Variants in CACNA2D2 observed in about 807,000 individuals in gnomAD.
The protein encoded by CACNA2D2 is voltage-dependent calcium channel subunit alpha-2/delta-2.
A neutral mutation model predicts 166.4 loss-of-function variants in CACNA2D2; 48 were observed. That is an observed-to-expected ratio of 0.29 (90% CI 0.23 to 0.37). CACNA2D2 has a LOEUF of 0.37. Ranked by LOEUF, CACNA2D2 falls within the 10% of genes least tolerant of loss-of-function variation. The pLI is 1.00. For synonymous variants in CACNA2D2, 561 were observed against 573.7 expected (o/e 0.98, Z 0.32); for missense variants, 1,122 against 1,433.0 (o/e 0.78, Z 3.50).
In CACNA2D2 at chr3:50,495,037, G is replaced by A. The variant is rs372736266; in HGVS notation, c.206+8181C>T. Among the ~76,000 whole-genome samples the A allele has an allele frequency of 4.6e-5, 7 of 152,322 alleles. No homozygotes were observed. The East Asian group carries it at 5.8e-4, about 13-fold the overall frequency. On this transcript the variant is annotated intron_variant, in intron 1 of 37. Coordinates refer to ENST00000424201, the MANE Select transcript of CACNA2D2 (RefSeq NM_006030.4). Reference sequence around the variant, plus strand: ...TGCGAGGAAGGCTGCATAGGGAGTCGCCCTCCCCGCAGTCTGTACTGAGCA... The same window carrying A: ...TGCGAGGAAGGCTGCATAGGGAGTCACCCTCCCCGCAGTCTGTACTGAGCA...
At chr3:50,490,738 T>C (rs1698487683) in intron 1 of CACNA2D2, among the ~76,000 whole-genome samples, 1 of 152,176 alleles carries the variant, frequency 6.6e-6, no homozygotes, top group Non-Finnish European at 1.5e-5. Flanking sequence ...TGGTGTATGC[T>C]AGCTGGGAGC....
intron 2 of CACNA2D2, among the ~76,000 whole-genome samples, chr3:50,469,567 T>TA (rs1311693131): frequency 6.6e-6 from 1 of 152,086 alleles, no homozygotes; most frequent in Non-Finnish European, 1.5e-5. Flanking sequence ...ACCCCACACT[T>TA]ACGCAGGGCT....
intron 1 of CACNA2D2, among the ~76,000 whole-genome samples, chr3:50,481,509 A>C (rs765117618): frequency 2.6e-5 from 4 of 152,166 alleles, no homozygotes; most frequent in Non-Finnish European, 5.9e-5. Context: ...CAGCAGGGGA[A>C]GCAGGAGGGC....
At chr3:50,414,196 A>G (rs1367048641) in intron 3 of CACNA2D2, among the ~76,000 whole-genome samples, 2 of 152,098 alleles carry the variant, frequency 1.3e-5, no homozygotes, top group Non-Finnish European at 2.9e-5. Context: ...AAAACAGCAC[A>G]CAGTCATGCC....
intron 1 of CACNA2D2, among the ~76,000 whole-genome samples, chr3:50,481,653 T>A (rs1698062324): frequency 6.6e-6 from 1 of 152,150 alleles, no homozygotes; most frequent in Non-Finnish European, 1.5e-5. Flanking sequence ...GCTTCTCTCA[T>A]GATAGGCTGG....
Position 50,364,132 on chromosome 3 carries a change from GA to G in CACNA2D2, c.*533del, listed in dbSNP as rs1704081810. ...TATCCTGACACCTGGTGGGCTTGGG[GA>G]TGTGGCTGTAGGCCTGAAAGGGGCA... On this transcript the variant is annotated 3_prime_UTR_variant, in exon 38 of 38. Coordinates refer to ENST00000424201, the MANE Select transcript of CACNA2D2 (RefSeq NM_006030.4). The G allele has an allele frequency of 6.3e-6, 1 of 157,708 alleles. No homozygotes were observed. The highest frequency in any genetic ancestry group is 2.4e-5 in the African/African-American group (1 of 41,570). The allele number at this position is 157,708 out of a possible 1,614,324, so 9.8% of individuals were successfully genotyped here.
chr3:50,457,371 T>C (rs1281239103), intron 2 of CACNA2D2, among the ~76,000 whole-genome samples: 3 of 152,244 alleles, frequency 2.0e-5, no homozygotes, highest in Non-Finnish European at 4.4e-5. Context: ...TGAGGCTTCC[T>C]TTCCTGCTAA....
At position 50,365,489 on chromosome 3, in the gene CACNA2D2, G is replaced by A. The variant is rs1446934363; in HGVS notation, c.2972-7C>T. 9 of 1,612,842 alleles carry A rather than the reference G, an allele frequency of 5.6e-6. No homozygotes were observed. The East Asian group carries it at 6.7e-5, about 12-fold the overall frequency. On this transcript the variant is annotated splice_polypyrimidine_tract_variant and splice_region_variant and intron_variant, in intron 34 of 37. Coordinates refer to ENST00000424201, the MANE Select transcript of CACNA2D2 (RefSeq NM_006030.4). The surrounding 1 kb of genome is among the most constrained non-coding windows in gnomAD (Gnocchi z 4.5). ...CCCTCGGCCTCCGCGGGGTCTGCGA[G>A]GGCCCAGAGCGCCTCAGCTCCGCCC... is the stretch of plus-strand genomic sequence containing the variant.
At chr3:50,408,891 A>G (rs564909182) in intron 3 of CACNA2D2, among the ~76,000 whole-genome samples, 16 of 152,314 alleles carry the variant, frequency 1.1e-4, no homozygotes, top group Non-Finnish European at 1.9e-4. Flanking sequence ...TGTGCCTGCA[A>G]TATTTGGGGC....
rs755994972 is a variant in CACNA2D2, at chr3:50,384,176, C to T, written c.652+20G>A. The T allele has an allele frequency of 3.0e-5, 49 of 1,612,094 alleles. No individual in the cohort carries two copies. Among genetic ancestry groups the T allele is most frequent in the African/African-American group, 4.0e-5 (3 of 74,868 alleles). Reference sequence around the variant, plus strand: ...CCACAGCAGGTGGGATGGGCTGTCCCGATTGCTCTGCACACTCACAGCCTT... The same window carrying T: ...CCACAGCAGGTGGGATGGGCTGTCCTGATTGCTCTGCACACTCACAGCCTT... On this transcript the variant is annotated intron_variant, in intron 6 of 37. Transcript: ENST00000424201.
chr3:50,409,021 G>A (rs1450612822), intron 3 of CACNA2D2, among the ~76,000 whole-genome samples: 2 of 152,170 alleles, frequency 1.3e-5, no homozygotes, highest in East Asian at 1.9e-4. Flanking sequence ...CTTAGCCCCC[G>A]ACCTCCTCAG....
intron 2 of CACNA2D2, among the ~76,000 whole-genome samples, chr3:50,435,132 A>AGG (rs200446042): frequency 1.8e-4 from 22 of 125,424 alleles, no homozygotes; most frequent in Middle Eastern, 3.7e-3. Context: ...TGTAAATCTG[A>AGG]GGGTGTGTGT....
In CACNA2D2 at chr3:50,365,334, G is replaced by C; in HGVS notation, c.3098+22C>G. 6.2e-7 allele frequency: 1 copy of C among 1,610,806 alleles called. No individual in the cohort carries two copies. The highest frequency in any genetic ancestry group is 8.5e-7 in the Non-Finnish European group (1 of 1,179,058). ...CTCACAGGTTCCGCCCTTGGCCTCT[G>C]GTCCCGCCCCACTGCCAGCACCTGG... is the stretch of plus-strand genomic sequence containing the variant. On this transcript the variant is annotated intron_variant, in intron 35 of 37. Transcript: ENST00000424201. The surrounding 1 kb of genome is among the most constrained non-coding windows in gnomAD (Gnocchi z 4.5).
rs1188695894 is a variant in CACNA2D2, at chr3:50,374,860, A to G, written c.1908-47T>C. 12 of 1,438,880 alleles carry G rather than the reference A, an allele frequency of 8.3e-6. No individual in the cohort carries two copies. In the East Asian group the frequency reaches 2.7e-4, roughly 32 times the overall value. The allele number at this position is 1,438,880 out of a possible 1,614,324, so 89.1% of individuals were successfully genotyped here. The stretch of plus-strand genomic sequence containing the variant: ...TCACGGCTGGGGGGAGGCGGGCCAC[A>G]CTGGCACCCCCTCCCCATGGCCTTG... On this transcript the variant is annotated intron_variant, in intron 21 of 37. Transcript: ENST00000424201.
At chr3:50,494,370 C>A (rs1385881000) in intron 1 of CACNA2D2, among the ~76,000 whole-genome samples, 1 of 152,098 alleles carries the variant, frequency 6.6e-6, no homozygotes, top group African/African-American at 2.4e-5. Context: ...AGAACACGGG[C>A]TGTGGAAGGA....
chr3:50,491,320 C>T (rs557517989), intron 1 of CACNA2D2, among the ~76,000 whole-genome samples: 39 of 152,274 alleles, frequency 2.6e-4, no homozygotes, highest in Admixed American at 1.5e-3. Flanking sequence ...CGGAGGAGGA[C>T]GGCAGGAGGC....
intron 22 of CACNA2D2, among the ~76,000 whole-genome samples, chr3:50,371,325 T>A (rs1230244566): frequency 6.6e-6 from 1 of 151,862 alleles, no homozygotes; most frequent in East Asian, 2.0e-4. Context: ...GAGCTGTGCA[T>A]GTGTGGGTGA....
intron 1 of CACNA2D2, among the ~76,000 whole-genome samples, chr3:50,489,188 T>C (rs41308224): frequency 2.0e-5 from 3 of 152,300 alleles, no homozygotes; most frequent in Non-Finnish European, 4.4e-5. Context: ...AGGTCACATA[T>C]GGGGTTCCCT....
chr3:50,388,676 A>G (rs949904060), intron 4 of CACNA2D2, among the ~76,000 whole-genome samples: 13 of 152,022 alleles, frequency 8.6e-5, no homozygotes, highest in African/African-American at 2.9e-4. Context: ...TCAGTGTGTG[A>G]CCCCAGGGCT....
Sources: gnomAD v4.1 joint callset for allele counts (sites outside exome capture counted in the v4.1 genomes callset) on GRCh38, gnomAD v4.1.1 for gene constraint, Gnocchi (gnomAD v3.1) non-coding constraint, MANE v1.5 for transcripts, NCBI Gene and HGNC (gene_info 2026-07-23, HGNC 2026-07-21) for gene names.